The following NCKAP5 variants were observed in gnomAD, a reference collection of about 807,000 sequenced individuals.
NCKAP5 encodes the protein NCK associated protein 5, also known as nck-associated protein 5.
In NCKAP5, 92 loss-of-function variants were observed where a neutral mutation model predicts 167.0. The observed-to-expected ratio is 0.55, with a 90% confidence interval of 0.47 to 0.66. The LOEUF is 0.66. Among genes scored for constraint, NCKAP5 ranks in the 30% least tolerant of loss-of-function variants. The probability of loss-of-function intolerance (pLI) is 0.00; values close to 1 mark genes in which losing one functional copy is unlikely to be tolerated. For missense variants in NCKAP5, 2,378 were observed against 2,315.0 expected, an observed-to-expected ratio of 1.03 and a Z score of -0.56; for synonymous variants, 891 against 877.4, an observed-to-expected ratio of 1.02 and a Z score of -0.27.
chr2:132,827,009 T>C (rs949865395), intron 11 of NCKAP5, among the ~76,000 whole-genome samples: 1 of 152,208 alleles, frequency 6.6e-6, no homozygotes, highest in East Asian at 1.9e-4. Flanking sequence ...ACAGAGGCAC[T>C]GATACGTGAA....
intron 3 of NCKAP5, among the ~76,000 whole-genome samples, chr2:133,323,745 A>C (rs1682230288): frequency 6.6e-6 from 1 of 152,202 alleles, no homozygotes; most frequent in South Asian, 2.1e-4. Flanking sequence ...GGGGAATCTG[A>C]CAGAGAGGTA....
intron 6 of NCKAP5, among the ~76,000 whole-genome samples, chr2:133,119,892 C>T (rs1008500502): frequency 6.6e-6 from 1 of 151,608 alleles, no homozygotes; most frequent in African/African-American, 2.4e-5. Flanking sequence ...TAGGCTCTCC[C>T]TATCATATGT....
At chr2:132,837,322 CCTCT>C (rs1687962419) in intron 11 of NCKAP5, among the ~76,000 whole-genome samples, 1 of 152,006 alleles carries the variant, frequency 6.6e-6, no homozygotes, top group African/African-American at 2.4e-5. Context: ...AATTATCTTC[CCTCT>C]ATTTTTTTCC....
At chr2:132,766,010 G>A (rs986248284) in intron 16 of NCKAP5, among the ~76,000 whole-genome samples, 1 of 152,064 alleles carries the variant, frequency 6.6e-6, no homozygotes, top group Admixed American at 6.6e-5. Context: ...GGCTGGGCAC[G>A]GTGGCTTACG....
chr2:133,517,177 G>A (rs1684071883), intron 3 of NCKAP5, among the ~76,000 whole-genome samples: 1 of 152,272 alleles, frequency 6.6e-6, no homozygotes, highest in South Asian at 2.1e-4. Context: ...ATACAGTAGT[G>A]TTTTTGTATA....
Position 132,695,396 on chromosome 2 carries a change from A to G in NCKAP5, c.5714-22091T>C, listed in dbSNP as rs566694285. Among the ~76,000 whole-genome samples, 3 of 152,238 alleles carry G rather than the reference A, an allele frequency of 2.0e-5. No homozygotes were observed. The South Asian group carries it at 6.2e-4, about 32-fold the overall frequency. On this transcript the variant is annotated intron_variant, in intron 19 of 19. Coordinates refer to ENST00000409261, the MANE Select transcript of NCKAP5 (RefSeq NM_207363.3). ...TGGCACCTGGTTCCACGATGGGAAA[A>G]GCAATCTGGGGAGGCTGGAAATGTC...
the NCKAP5 span, among the ~76,000 whole-genome samples, chr2:133,603,832 C>A: frequency 6.6e-6 from 1 of 152,240 alleles, no homozygotes; most frequent in Non-Finnish European, 1.5e-5. Context: ...CCACCGCTCC[C>A]AGCCGGCATG....
chr2:133,601,607 C>T, the NCKAP5 span, among the ~76,000 whole-genome samples: 33 of 152,228 alleles, frequency 2.2e-4, no homozygotes, highest in African/African-American at 7.9e-4. Context: ...GTGGTGGGCA[C>T]CTGTAATCCC....
intron 8 of NCKAP5, among the ~76,000 whole-genome samples, chr2:132,881,705 G>A (rs79545982): frequency 0.036 from 5,511 of 152,042 alleles, 154 homozygotes; most frequent in Non-Finnish European, 0.052. Flanking sequence ...TAGCAGCCAC[G>A]TGACATCCAT....
chr2:133,656,280 A>C, the NCKAP5 span, among the ~76,000 whole-genome samples: 8,287 of 128,880 alleles, frequency 0.064, 397 homozygotes, highest in African/African-American at 0.14. Context: ...AACAAAAAAA[A>C]AAAAAAACCA....
intron 9 of NCKAP5, among the ~76,000 whole-genome samples, chr2:132,874,103 A>ATTTTTTT (rs4057987): frequency 5.3e-5 from 6 of 113,178 alleles, no homozygotes; most frequent in Admixed American, 1.0e-4. Context: ...CAAGACCTTG[A>ATTTTTTT]TTTTTTTTTT....
At chr2:132,788,399 C>G (rs1049516348) in intron 13 of NCKAP5, among the ~76,000 whole-genome samples, 5 of 152,146 alleles carry the variant, frequency 3.3e-5, no homozygotes, top group South Asian at 2.1e-4. Context: ...AACCTCACCA[C>G]GTTTCAGGCT....
chr2:133,541,274 T>TATA (rs34135416), intron 2 of NCKAP5, among the ~76,000 whole-genome samples: 41,575 of 151,202 alleles, frequency 0.27, 6,197 homozygotes, highest in East Asian at 0.37. Flanking sequence ...AATTGAAAAA[T>TATA]ATAATATGAT....
At chr2:133,507,688 G>A (rs373520308) in intron 3 of NCKAP5, among the ~76,000 whole-genome samples, 7 of 152,150 alleles carry the variant, frequency 4.6e-5, no homozygotes, top group East Asian at 1.9e-4. Flanking sequence ...TAACTGAAGC[G>A]TTTGAATATG....
the NCKAP5 span, among the ~76,000 whole-genome samples, chr2:133,637,020 AT>A: frequency 1.6e-4 from 24 of 151,884 alleles, no homozygotes; most frequent in African/African-American, 5.8e-4. Context: ...ATTTTATGGG[AT>A]TTTTAAAAAT....
At chr2:133,157,026 C>T (rs894883126) in intron 5 of NCKAP5, among the ~76,000 whole-genome samples, 4 of 152,192 alleles carry the variant, frequency 2.6e-5, no homozygotes, top group African/African-American at 7.2e-5. Flanking sequence ...CTTAAAACAG[C>T]ATGCTACTCA....
At chr2:133,121,624 C>T (rs901679230) in intron 6 of NCKAP5, among the ~76,000 whole-genome samples, 1 of 152,160 alleles carries the variant, frequency 6.6e-6, no homozygotes, top group African/African-American at 2.4e-5. Context: ...AGCTCCTATA[C>T]ATTGCTACAT....
chr2:133,337,132 G>T (rs893285996), intron 3 of NCKAP5, among the ~76,000 whole-genome samples: 46 of 152,232 alleles, frequency 3.0e-4, no homozygotes, highest in African/African-American at 1.1e-3. Context: ...TCATCATAAA[G>T]AACCCAAATT....
Position 132,998,687 on chromosome 2 carries a change from G to C in NCKAP5, c.342-4448C>G, listed in dbSNP as rs1357152575. ...ACTAAAGCATCTTCCATTGTTGTTT[G>C]ACGCCCAATTACATTTTGCTTCATT... On this transcript the variant is annotated intron_variant, in intron 6 of 19. Transcript: ENST00000409261. Among the ~76,000 whole-genome samples the C allele has an allele frequency of 2.0e-5, 3 of 152,030 alleles. No homozygotes were observed. In the East Asian group the frequency reaches 5.8e-4, roughly 29 times the overall value.
Sources: allele counts gnomAD v4.1 joint callset (sites outside exome capture counted in the v4.1 genomes callset), GRCh38; gene constraint gnomAD v4.1.1; transcripts MANE v1.5; gene names NCBI Gene and HGNC (gene_info 2026-07-23, HGNC 2026-07-21).